TNS2: variants seen among roughly 807,000 people sequenced by gnomAD.
TNS2 encodes tensin-2.
TNS2 carries 77 observed loss-of-function variants against 155.7 expected under a neutral mutation model. That is an observed-to-expected ratio of 0.49 (90% CI 0.41 to 0.60). The LOEUF (loss-of-function observed/expected upper bound fraction) is 0.60. Ranked by LOEUF, TNS2 falls within the 20% of genes least tolerant of loss-of-function variation. The pLI, the probability that TNS2 is intolerant of heterozygous loss-of-function variation, is 0.00. For missense variants in TNS2, 1,703 were observed against 1,868.8 expected (o/e 0.91, Z 1.64); for synonymous variants, 726 against 763.9 (o/e 0.95, Z 0.82).
At chr12:53,049,140 G>C (rs747199167), upstream of TNS2, 1 of 1,551,312 alleles carries the variant, frequency 6.4e-7, no homozygotes, top group Non-Finnish European at 8.7e-7. Flanking sequence ...GAGGCCGGAG[G>C]CCCATGGATG....
At position 53,059,799 on chromosome 12, in the gene TNS2, G is replaced by A. The variant is rs781543791; in HGVS notation, c.2158G>A (p.Glu720Lys). Reference sequence around the variant, plus strand: ...GGAGGCTGGAGAAGGGTGGGCAAGTGAGGCTGGCAAGCCTCTCCTGCACCC... The same window carrying A: ...GGAGGCTGGAGAAGGGTGGGCAAGTAAGGCTGGCAAGCCTCTCCTGCACCC... The part of the protein sequence containing the change: ...EREAGEGWAS[E>K]AGKPLLHPVR... Residue 720 changes from glutamate (E) to lysine (K), a missense_variant, in exon 18 of 29, where the codon GAG (glutamate) becomes AAG (lysine). Coordinates refer to ENST00000314250, the MANE Select transcript of TNS2 (RefSeq NM_170754.4). This position sits in a 1 kb window ranked among gnomAD's most constrained non-coding sequence, Gnocchi z 4.7. 6.2e-7 allele frequency: 1 copy of A among 1,612,558 alleles called. No individual in the cohort carries two copies. The highest frequency in any genetic ancestry group is 8.5e-7 in the Non-Finnish European group (1 of 1,179,706).
upstream of TNS2, chr12:53,049,249 G>A (rs960159268): frequency 5.0e-6 from 8 of 1,607,212 alleles, no homozygotes; most frequent in Non-Finnish European, 6.8e-6. Flanking sequence ...AGCCATGAAG[G>A]TAGTACTCAG....
At position 53,059,309 on chromosome 12, in the gene TNS2, A is replaced by G. The variant is rs1592253457; in HGVS notation, c.1668A>G (p.Gly556=). ...GGCGVASGGR[G]AGRETAILDD... is the part of the protein sequence containing the mutation. The stretch of plus-strand genomic sequence containing the variant: ...GCGGAGTGGCCAGTGGGGGCCGGGG[A>G]GCTGGGCGCGAGACGGCCATCCTAG... Residue 556 remains glycine, a synonymous_variant, in exon 18 of 29, where the codon GGA becomes GGG. Coordinates refer to ENST00000314250, the MANE Select transcript of TNS2 (RefSeq NM_170754.4). The surrounding 1 kb of genome is among the most constrained non-coding windows in gnomAD (Gnocchi z 4.7). The G allele has an allele frequency of 7.0e-7, 1 of 1,430,292 alleles. No homozygotes were observed. 88.6% of individuals were successfully genotyped at this position (1,430,292 alleles called of 1,614,324 possible). A position where few individuals can be genotyped will look rare whatever the true frequency, so the allele number is the denominator to read the frequency against.
intron 25 of TNS2, 149 bp from the exon 26 acceptor site, chr12:53,062,940 A>C: frequency 9.0e-7 from 1 of 1,109,626 alleles, no homozygotes; most frequent in Non-Finnish European, 1.3e-6. Flanking sequence ...CTGACTGTAG[A>C]TCCAGTAGAG....
At chr12:53,055,453 ACC>A (rs1466089102) in intron 8 of TNS2, 113 bp from the exon 9 acceptor site, 2 of 1,349,096 alleles carry the variant, frequency 1.5e-6, no homozygotes, top group African/African-American at 1.5e-5. Flanking sequence ...ATCATGGACA[ACC>A]AGCAGACCCC....
chr12:53,052,051 A>C, intron 2 of TNS2, 88 bp downstream of exon 2: 4 of 1,104,248 alleles, frequency 3.6e-6, no homozygotes, highest in Non-Finnish European at 5.3e-6. Context: ...CACAATCTCA[A>C]ATGTAATATG....
At chr12:53,051,509 G>A (rs968007916) in intron 1 of TNS2, among the ~76,000 whole-genome samples, 1 of 127,054 alleles carries the variant, frequency 7.9e-6, no homozygotes, top group Non-Finnish European at 1.6e-5. Context: ...GGGAGGACAA[G>A]ATGGGAAGAG....
chr12:53,061,463 G>A lies in TNS2; in HGVS notation c.3442G>A (p.Asp1148Asn). 1 of 1,614,044 alleles carries A rather than the reference G, an allele frequency of 6.2e-7. No homozygotes were observed. Among genetic ancestry groups the A allele is most frequent in the Non-Finnish European group, 8.5e-7 (1 of 1,179,988 alleles). ...KFWYKPHLSR[D>N]QAIALLKDKD... ...CTGGTACAAGCCACACCTGTCCCGT[G>A]ACCAAGGTGAGAAGCCAGCCTGCCC... Residue 1148 changes from aspartate (D) to asparagine (N), a missense_variant, in exon 21 of 29, where the codon GAC becomes AAC. Coordinates refer to ENST00000314250, the MANE Select transcript of TNS2 (RefSeq NM_170754.4).
At chr12:53,055,885 C>A in intron 10 of TNS2, 40 bp downstream of exon 10, 1 of 1,582,510 alleles carries the variant, frequency 6.3e-7, no homozygotes, top group Non-Finnish European at 8.6e-7. Flanking sequence ...TCCCCAGTGG[C>A]CCTTTCTCCA....
chr12:53,050,313 A>G lies in TNS2; in HGVS notation c.75+53A>G. 2.0e-6 allele frequency: 3 copies of G among 1,507,986 alleles called. No individual in the cohort carries two copies. Among genetic ancestry groups the G allele is most frequent in the Non-Finnish European group, 2.7e-6 (3 of 1,116,594 alleles). The allele number at this position is 1,507,986 out of a possible 1,614,324, so 93.4% of individuals were successfully genotyped here. On this transcript the variant is annotated intron_variant, in intron 1 of 28. Transcript: ENST00000314250. This position sits in a 1 kb window ranked among gnomAD's most constrained non-coding sequence, Gnocchi z 4.7. ...GAGGGGCAGGGGTGGAGGTGCGGGCAGTGGGGGAGGGGACCAGGAATCAGG... is the reference window on the plus strand; with the variant it reads ...GAGGGGCAGGGGTGGAGGTGCGGGCGGTGGGGGAGGGGACCAGGAATCAGG...
At chr12:53,053,489 C>G in intron 4 of TNS2, 40 bp downstream of exon 4, 1 of 1,613,062 alleles carries the variant, frequency 6.2e-7, no homozygotes, top group South Asian at 1.1e-5. Flanking sequence ...GGCAAGGAAC[C>G]TGGCCATGGT....
chr12:53,060,064 G>C lies in TNS2; in HGVS notation c.2423G>C (p.Ser808Thr). Residue 808 changes from serine (S) to threonine (T), a missense_variant, in exon 18 of 29, where the codon AGC (serine) becomes ACC (threonine). Coordinates refer to ENST00000314250, the MANE Select transcript of TNS2 (RefSeq NM_170754.4). This position sits in a 1 kb window ranked among gnomAD's most constrained non-coding sequence, Gnocchi z 6.1. Reference sequence around the variant, plus strand: ...CCAGCATATGGCCGTGTGCCTCATAGCTGTGGCTCTCCAGGAGAGGGCAGA... The same window carrying C: ...CCAGCATATGGCCGTGTGCCTCATACCTGTGGCTCTCCAGGAGAGGGCAGA... ...YCPAYGRVPH[S>T]CGSPGEGRGY... The C allele has an allele frequency of 6.2e-7, 1 of 1,613,228 alleles. No homozygotes were observed. The highest frequency in any genetic ancestry group is 8.5e-7 in the Non-Finnish European group (1 of 1,179,760).
intron 13 of TNS2, 86 bp downstream of exon 13, chr12:53,057,919 C>A (rs745605324): frequency 4.4e-5 from 71 of 1,607,734 alleles, no homozygotes; most frequent in Non-Finnish European, 5.0e-5. Context: ...CCTCCCTAGA[C>A]ACCTGGGCAG....
At chr12:53,054,131 G>A in intron 6 of TNS2, 117 bp downstream of exon 6, 1 of 1,565,660 alleles carries the variant, frequency 6.4e-7, no homozygotes. Context: ...CCCCAAAGCG[G>A]TATTCTCCCT....
intron 8 of TNS2, among the ~76,000 whole-genome samples, 156 bp from the exon 9 acceptor site, chr12:53,055,412 C>T (rs988027180): frequency 8.5e-5 from 13 of 152,136 alleles, no homozygotes; most frequent in Non-Finnish European, 2.9e-5. Context: ...AGGTATCAGC[C>T]CATTGTATGG....
At chr12:53,057,527 A>G (rs1423476075) in intron 11 of TNS2, 40 bp from the exon 12 acceptor site, 1 of 1,475,594 alleles carries the variant, frequency 6.8e-7, no homozygotes. Context: ...TGACCTCCAG[A>G]GGAAAAGGCT....
chr12:53,049,365 C>A, upstream of TNS2: 2 of 860,266 alleles, frequency 2.3e-6, no homozygotes, highest in Non-Finnish European at 3.5e-6. Context: ...TGAAACAAAG[C>A]CAGGGAATGG....
Position 53,059,835 on chromosome 12 carries a change from G to A in TNS2, c.2194G>A (p.Gly732Arg). The change falls in exon 18 of 29, where the codon GGG (glycine) becomes AGG (arginine). Residue 732 changes from glycine (G) to arginine (R), a missense_variant. Coordinates refer to ENST00000314250, the MANE Select transcript of TNS2 (RefSeq NM_170754.4). This position sits in a 1 kb window ranked among gnomAD's most constrained non-coding sequence, Gnocchi z 4.7. The part of the protein sequence containing the change: ...GKPLLHPVRP[G>R]HPLPLLLPAC... ...GCCTCTCCTGCACCCAGTGCGGCCT[G>A]GGCACCCGCTGCCTCTGCTCTTGCC... The A allele has an allele frequency of 6.2e-7, 1 of 1,612,934 alleles. No individual in the cohort carries two copies. Among genetic ancestry groups the A allele is most frequent in the South Asian group, 1.1e-5 (1 of 91,072 alleles).
In TNS2 at chr12:53,059,064, C is replaced by T. The variant is rs764727254; in HGVS notation, c.1423C>T (p.Arg475Trp). The change falls in exon 18 of 29, where the codon CGG (arginine) becomes TGG (tryptophan). Residue 475 changes from arginine to tryptophan, a missense_variant. Physicochemically the swap from Arg to Trp is moderately radical, Grantham distance 101. Coordinates refer to ENST00000314250, the MANE Select transcript of TNS2 (RefSeq NM_170754.4). The surrounding 1 kb of genome is among the most constrained non-coding windows in gnomAD (Gnocchi z 4.7). ...DSVDGSLTHT[R>W]GPLDGSPYAQ... ...CCACTCAGGCTCCTTGACCCACACC[C>T]GGGGTCCCCTGGATGGCAGTCCTTA... The T allele has an allele frequency of 8.5e-6, 13 of 1,538,228 alleles. No individual in the cohort carries two copies. Among genetic ancestry groups the T allele is most frequent in the South Asian group, 3.8e-5 (3 of 78,832 alleles).
Sources: gnomAD v4.1 joint callset for allele counts (sites outside exome capture counted in the v4.1 genomes callset) on GRCh38, gnomAD v4.1.1 for gene constraint, Gnocchi (gnomAD v3.1) non-coding constraint, MANE v1.5 for transcripts, NCBI Gene and HGNC (gene_info 2026-07-23, HGNC 2026-07-21) for gene names.